NFIB: variants seen among roughly 807,000 people sequenced by gnomAD.
The protein encoded by NFIB is nuclear factor I B.
Under a neutral mutation model 61.5 loss-of-function variants are expected in NFIB, and 11 were observed. The ratio of observed to expected loss-of-function variants is 0.18; its 90% CI spans 0.11 to 0.30. NFIB has a LOEUF of 0.30. Among genes scored for constraint, NFIB ranks in the 10% least tolerant of loss-of-function variants. The probability of loss-of-function intolerance (pLI) is 1.00; values close to 1 mark genes in which losing one functional copy is unlikely to be tolerated. For synonymous variants in NFIB, 260 were observed against 216.5 expected (o/e 1.20, Z -1.76); for missense variants, 471 against 608.9 (o/e 0.77, Z 2.38).
intron 2 of NFIB, among the ~76,000 whole-genome samples, chr9:14,235,406 C>A (rs1157897470): frequency 6.6e-6 from 1 of 152,184 alleles, no homozygotes; most frequent in Non-Finnish European, 1.5e-5. Context: ...GCTTCCTTAT[C>A]TGTAAATGAT....
chr9:14,308,636 A>C (rs16931548), intron 1 of NFIB, among the ~76,000 whole-genome samples: 3,366 of 151,422 alleles, frequency 0.022, 100 homozygotes, highest in East Asian at 0.12. Context: ...GCTTTTGTGG[A>C]ATCTATACAA....
At position 14,083,890 on chromosome 9, in the gene NFIB, C is replaced by A; in HGVS notation, c.*4419G>T. On this transcript the variant is annotated 3_prime_UTR_variant, in exon 11 of 11. Transcript: ENST00000380953. Reference sequence around the variant, plus strand: ...TAGTTTTCTGCCTATCCTGAATGCTCTGTGAAACTTAACCTTAAATACCAT... The same window carrying A: ...TAGTTTTCTGCCTATCCTGAATGCTATGTGAAACTTAACCTTAAATACCAT... The A allele has an allele frequency of 4.5e-6, 1 of 224,568 alleles. No homozygotes were observed. Among genetic ancestry groups the A allele is most frequent in the Non-Finnish European group, 8.9e-6 (1 of 112,438 alleles). 13.9% of individuals were successfully genotyped at this position (224,568 alleles called of 1,614,324 possible).
intron 1 of NFIB, chr9:14,362,387 CCACTGT>C (rs2061251346): frequency 6.6e-6 from 1 of 152,132 alleles, no homozygotes; most frequent in African/African-American, 2.4e-5. Context: ...TGGGTGTCTG[CCACTGT>C]CAACAAATAG....
At chr9:14,463,878 C>T in the NFIB span, among the ~76,000 whole-genome samples, 112,641 of 151,412 alleles carry the variant, frequency 0.74, 42,137 homozygotes, top group East Asian at 0.88. Flanking sequence ...GCCAGGATGG[C>T]CTCGATCTCC....
At chr9:14,408,291 C>G in the NFIB span, among the ~76,000 whole-genome samples, 4 of 152,150 alleles carry the variant, frequency 2.6e-5, no homozygotes, top group Admixed American at 2.6e-4. Context: ...ATACCTGAAT[C>G]TGTATATCTT....
At chr9:14,279,714 CTT>C (rs2058243798) in intron 2 of NFIB, among the ~76,000 whole-genome samples, 1 of 152,196 alleles carries the variant, frequency 6.6e-6, no homozygotes, top group Non-Finnish European at 1.5e-5. Context: ...CTTTCACACT[CTT>C]CATCTCTGGT....
chr9:14,486,816 T>G, the NFIB span, among the ~76,000 whole-genome samples: 1 of 152,160 alleles, frequency 6.6e-6, no homozygotes, highest in Non-Finnish European at 1.5e-5. Context: ...CAATAGGAAA[T>G]TTGTCCTTAC....
At chr9:14,282,147 G>A (rs1480687916) in intron 2 of NFIB, among the ~76,000 whole-genome samples, 5 of 152,100 alleles carry the variant, frequency 3.3e-5, no homozygotes, top group African/African-American at 4.8e-5. Flanking sequence ...TACATTATTT[G>A]GAGGGCAATT....
chr9:14,525,354 A>T, the NFIB span, among the ~76,000 whole-genome samples: 2 of 152,318 alleles, frequency 1.3e-5, no homozygotes, highest in Middle Eastern at 6.8e-3. Flanking sequence ...AACTTTATTT[A>T]AACTTTGAGG....
At chr9:14,454,553 C>T in the NFIB span, among the ~76,000 whole-genome samples, 1 of 152,080 alleles carries the variant, frequency 6.6e-6, no homozygotes, top group Non-Finnish European at 1.5e-5. Context: ...TTTATGTTTT[C>T]TTACCATTTT....
At chr9:14,218,412 T>C (rs1363280416) in intron 2 of NFIB, among the ~76,000 whole-genome samples, 3 of 152,118 alleles carry the variant, frequency 2.0e-5, no homozygotes, top group African/African-American at 7.2e-5. Context: ...TTCCACCCAC[T>C]GGCATTCTGT....
At chr9:14,343,837 G>A (rs1242719792) in intron 1 of NFIB, among the ~76,000 whole-genome samples, 2 of 151,830 alleles carry the variant, frequency 1.3e-5, no homozygotes, top group Admixed American at 6.6e-5. Flanking sequence ...GGGGGTCGGG[G>A]GGGGAAGTGT....
chr9:14,273,636 GTAT>G (rs905256196), intron 2 of NFIB, among the ~76,000 whole-genome samples: 1 of 152,146 alleles, frequency 6.6e-6, no homozygotes, highest in African/African-American at 2.4e-5. Context: ...GCAAGGATCA[GTAT>G]TATTGTCAGT....
At chr9:14,183,139 G>T (rs1311472072) in intron 2 of NFIB, among the ~76,000 whole-genome samples, 1 of 152,130 alleles carries the variant, frequency 6.6e-6, no homozygotes, top group South Asian at 2.1e-4. Context: ...CCCAACACAC[G>T]CATCTGAAAA....
At chr9:14,185,469 T>C (rs2047241087) in intron 2 of NFIB, among the ~76,000 whole-genome samples, 1 of 152,184 alleles carries the variant, frequency 6.6e-6, no homozygotes, top group Non-Finnish European at 1.5e-5. Context: ...GTCTCCTGCA[T>C]TTGATGTCTC....
intron 1 of NFIB, among the ~76,000 whole-genome samples, chr9:14,321,449 CCAAT>C (rs1394440634): frequency 1.3e-5 from 2 of 152,042 alleles, no homozygotes; most frequent in Non-Finnish European, 2.9e-5. Flanking sequence ...TTCCAACACA[CCAAT>C]CAGAGTTAAA....
intron 2 of NFIB, among the ~76,000 whole-genome samples, chr9:14,247,251 G>C (rs922832915): frequency 2.0e-5 from 3 of 152,312 alleles, no homozygotes; most frequent in East Asian, 3.9e-4. Flanking sequence ...TGGTGAGACT[G>C]TCTCTGGTAT....
intron 2 of NFIB, among the ~76,000 whole-genome samples, chr9:14,268,549 G>A (rs1436975543): frequency 2.6e-5 from 4 of 152,038 alleles, no homozygotes; most frequent in Non-Finnish European, 5.9e-5. Context: ...TCACATCCTC[G>A]TCTAACAAAA....
intron 2 of NFIB, among the ~76,000 whole-genome samples, chr9:14,234,186 T>C (rs1418806392): frequency 6.6e-6 from 1 of 152,154 alleles, no homozygotes; most frequent in Non-Finnish European, 1.5e-5. Flanking sequence ...CTAGATTGGA[T>C]GGCAGAGAGA....
Sources: gnomAD v4.1 joint callset for allele counts (sites outside exome capture counted in the v4.1 genomes callset) on GRCh38, gnomAD v4.1.1 for gene constraint, MANE v1.5 for transcripts, NCBI Gene and HGNC (gene_info 2026-07-23, HGNC 2026-07-21) for gene names.